Variants in TBL1X observed in about 807,000 individuals in gnomAD.
TBL1X encodes the protein F-box-like/WD repeat-containing protein TBL1X.
TBL1X carries 10 observed loss-of-function variants against 50.7 expected under a neutral mutation model. The observed-to-expected ratio is 0.20, with a 90% CI of 0.12 to 0.33. TBL1X has a LOEUF of 0.33. Among genes scored for constraint, TBL1X ranks in the 10% least tolerant of loss-of-function variants. The pLI is 1.00. For missense variants in TBL1X, 340 were observed against 504.4 expected (o/e 0.67, Z 3.12); for synonymous variants, 190 against 214.7 (o/e 0.88, Z 1.01).
intron 1 of TBL1X, among the ~76,000 whole-genome samples, chrX:9,499,753 A>G (rs999597693): frequency 1.8e-5 from 2 of 111,857 alleles, no homozygotes; most frequent in African/African-American, 3.2e-5. Context: ...AGGCGGGTGG[A>G]TCACCTGAGG....
chrX:9,551,651 A>G (rs1601751038), intron 2 of TBL1X, among the ~76,000 whole-genome samples: 1 of 111,337 alleles, frequency 9.0e-6, no homozygotes, highest in East Asian at 2.8e-4. Flanking sequence ...GGGGGGAAGA[A>G]CTGTGTTGGC....
At chrX:9,543,772 A>G (rs1334703530) in intron 2 of TBL1X, among the ~76,000 whole-genome samples, 2 of 111,725 alleles carry the variant, frequency 1.8e-5, no homozygotes, top group Non-Finnish European at 3.8e-5. Context: ...ATTCGACACA[A>G]ATCGAAAATT....
At chrX:9,677,663 T>C (rs2083002658) in intron 5 of TBL1X, among the ~76,000 whole-genome samples, 1 of 111,574 alleles carries the variant, frequency 9.0e-6, no homozygotes, top group African/African-American at 3.3e-5. Context: ...TGATAAGGTT[T>C]CTTGTTGCCC....
At chrX:9,698,436 C>T (rs1011934266) in intron 12 of TBL1X, among the ~76,000 whole-genome samples, 2 of 111,821 alleles carry the variant, frequency 1.8e-5, no homozygotes, top group African/African-American at 6.5e-5. Context: ...TGCACACGGC[C>T]AAATCCAGAG....
intron 13 of TBL1X, 69 bp downstream of exon 13, chrX:9,705,183 C>T (rs2083199321): frequency 8.4e-7 from 1 of 1,195,838 alleles, no homozygotes; most frequent in Admixed American, 2.3e-5. Context: ...TTCTTGTGTG[C>T]CTAGAATTAA....
At chrX:9,478,554 A>G (rs933025765) in intron 1 of TBL1X, among the ~76,000 whole-genome samples, 1 of 111,807 alleles carries the variant, frequency 8.9e-6, no homozygotes, top group Non-Finnish European at 1.9e-5. Flanking sequence ...GGTTTAAATG[A>G]TAATAGGCCT....
At chrX:9,539,653 T>C (rs890174720) in intron 2 of TBL1X, among the ~76,000 whole-genome samples, 5 of 112,197 alleles carry the variant, frequency 4.5e-5, no homozygotes, top group Non-Finnish European at 9.4e-5. Flanking sequence ...TGGGTTGTTT[T>C]GTGATAGTCT....
chrX:9,538,676 G>A (rs906185630), intron 2 of TBL1X, among the ~76,000 whole-genome samples: 2 of 112,407 alleles, frequency 1.8e-5, no homozygotes, highest in African/African-American at 6.5e-5. Flanking sequence ...GAAGGGTGAG[G>A]GGGAGGTTCC....
At chrX:9,638,573 AAG>A (rs1320195310) in intron 2 of TBL1X, among the ~76,000 whole-genome samples, 1 of 112,426 alleles carries the variant, frequency 8.9e-6, no homozygotes, top group African/African-American at 3.2e-5. Context: ...CAACATATAT[AAG>A]AGATAATCTC....
At chrX:9,656,292 A>T (rs1356576177) in intron 5 of TBL1X, among the ~76,000 whole-genome samples, 4 of 112,192 alleles carry the variant, frequency 3.6e-5, no homozygotes, top group African/African-American at 1.3e-4. Context: ...TCCATTTAGC[A>T]ACACCTCTGC....
intron 2 of TBL1X, among the ~76,000 whole-genome samples, chrX:9,585,339 C>CT (rs2082463465): frequency 1.4e-5 from 1 of 73,949 alleles, no homozygotes; most frequent in African/African-American, 5.7e-5. Flanking sequence ...CCCCCCTCCC[C>CT]TCCCCCCCCC....
intron 6 of TBL1X, among the ~76,000 whole-genome samples, chrX:9,684,597 T>TAA (rs1491581393): frequency 2.1e-4 from 1 of 4,787 alleles, no homozygotes; most frequent in Non-Finnish European, 3.2e-4. Context: ...ATCTCTAAAA[T>TAA]TAAAAAAAAA....
rs1297049695 is a variant in TBL1X at position 9,711,785 on chromosome X, C to T, written c.1605+9C>T. The stretch of plus-strand genomic sequence containing the variant: ...ATATCTGGAATACTCAGGTAAGCTC[C>T]CGACCCCTACACCAAATCCTTTTAG... On this transcript the variant is annotated intron_variant, in intron 16 of 17. Transcript: ENST00000645353. 1.7e-6 allele frequency: 2 copies of T among 1,182,812 alleles called. No homozygotes were observed. The highest frequency in any genetic ancestry group is 3.5e-5 in the African/African-American group (2 of 56,442).
chrX:9,618,401 C>T (rs777161382), intron 2 of TBL1X, among the ~76,000 whole-genome samples: 3 of 112,140 alleles, frequency 2.7e-5, no homozygotes, highest in Non-Finnish European at 5.6e-5. Flanking sequence ...TCTGGCCGGG[C>T]GCGGTGGCTC....
intron 11 of TBL1X, among the ~76,000 whole-genome samples, chrX:9,696,063 A>AC (rs1454977604): frequency 8.9e-6 from 1 of 112,670 alleles, no homozygotes; most frequent in Non-Finnish European, 1.9e-5. Context: ...ACACAGAGTG[A>AC]CTAAAATATA....
intron 2 of TBL1X, among the ~76,000 whole-genome samples, chrX:9,537,308 AT>A (rs1200766930): frequency 9.6e-6 from 1 of 104,599 alleles, no homozygotes; most frequent in Non-Finnish European, 2.0e-5. Context: ...CCGCCCCCCA[AT>A]TTTTTTTATT....
chrX:9,489,738 T>C (rs1035995013), intron 1 of TBL1X, among the ~76,000 whole-genome samples: 1 of 111,192 alleles, frequency 9.0e-6, no homozygotes, highest in African/African-American at 3.3e-5. Context: ...CCTCCACGGG[T>C]TGGGGAGGGC....
chrX:9,503,539 G>A (rs1468905503), intron 2 of TBL1X, among the ~76,000 whole-genome samples: 1 of 113,136 alleles, frequency 8.8e-6, no homozygotes, highest in African/African-American at 3.2e-5. Context: ...CTGGACAGGG[G>A]GAAGGGTGGC....
chrX:9,657,952 CAT>C (rs1249805170), intron 5 of TBL1X, among the ~76,000 whole-genome samples: 1 of 112,097 alleles, frequency 8.9e-6, no homozygotes, highest in East Asian at 2.8e-4. Flanking sequence ...GTAATTCCCA[CAT>C]GTCATGGGGA....
Sources: allele counts gnomAD v4.1 joint callset (sites outside exome capture counted in the v4.1 genomes callset), GRCh38; gene constraint gnomAD v4.1.1; transcripts MANE v1.5; gene names NCBI Gene and HGNC (gene_info 2026-07-23, HGNC 2026-07-21).